Variants in GPRC5B observed in about 807,000 individuals in gnomAD.
GPRC5B encodes G protein-coupled receptor class C group 5 member B.
In GPRC5B, 16 loss-of-function variants were observed where a neutral mutation model predicts 30.1. The observed-to-expected ratio is 0.53, with a 90% CI of 0.36 to 0.81. The LOEUF (loss-of-function observed/expected upper bound fraction) is 0.81, where lower values mean the gene tolerates loss of function less well. Ranked by LOEUF, GPRC5B falls within the 30% of genes least tolerant of loss-of-function variation. The pLI is 0.01. For synonymous variants in GPRC5B, 241 were observed against 239.5 expected (o/e 1.01, Z -0.06); for missense variants, 428 against 544.7 (o/e 0.79, Z 2.13).
At chr16:19,867,623 G>T (rs2056677864) in intron 2 of GPRC5B, among the ~76,000 whole-genome samples, 1 of 152,188 alleles carries the variant, frequency 6.6e-6, no homozygotes, top group South Asian at 2.1e-4. Context: ...ATCTGACAAA[G>T]CCATAGAACA....
chr16:19,884,211 A>C (rs1288910260), intron 1 of GPRC5B, among the ~76,000 whole-genome samples: 2 of 133,018 alleles, frequency 1.5e-5, no homozygotes, highest in South Asian at 2.7e-4. Context: ...AGTAATGCGC[A>C]CTCAAGCCGG....
In GPRC5B at chr16:19,872,286, C is replaced by T. The variant is rs754939873; in HGVS notation, c.560G>A (p.Arg187His). 36 of 1,613,828 alleles carry T rather than the reference C, an allele frequency of 2.2e-5. No individual in the cohort carries two copies. Among genetic ancestry groups the T allele is most frequent in the Admixed American group, 3.3e-5 (2 of 59,996 alleles). ...GTAGGCGCAGGCTGGCCTTGTGTCA[C>T]GCAGCACGGTGAGCACCAGCCACTC... is the stretch of plus-strand genomic sequence containing the variant. ...AVEWLVLTVLRDTRPACAYEP... is the reference protein window; with the variant it reads ...AVEWLVLTVLHDTRPACAYEP... The change falls in exon 2 of 4, where the codon CGT becomes CAT. Residue 187 changes from arginine (R) to histidine (H), a missense_variant. Coordinates refer to ENST00000300571, the MANE Select transcript of GPRC5B (RefSeq NM_016235.3). The surrounding 1 kb of genome is among the most constrained non-coding windows in gnomAD (Gnocchi z 5.0).
In GPRC5B at chr16:19,858,143, G is replaced by C. The variant is rs1198163950; in HGVS notation, c.*2357C>G. On this transcript the variant is annotated 3_prime_UTR_variant, in exon 4 of 4. Transcript: ENST00000300571. Reference sequence around the variant, plus strand: ...CCACGGGGGGCAGCTGGCTGCTACAGTCTCTTGGCAAAGATGTCTCTTGAT... The same window carrying C: ...CCACGGGGGGCAGCTGGCTGCTACACTCTCTTGGCAAAGATGTCTCTTGAT... 4.8e-6 allele frequency: 1 copy of C among 207,552 alleles called. No individual in the cohort carries two copies. Among genetic ancestry groups the C allele is most frequent in the Non-Finnish European group, 9.5e-6 (1 of 104,972 alleles). The allele number at this position is 207,552 out of a possible 1,614,324, so 12.9% of individuals were successfully genotyped here.
chr16:19,880,319 C>G (rs1321742688), intron 1 of GPRC5B, among the ~76,000 whole-genome samples: 1 of 150,044 alleles, frequency 6.7e-6, no homozygotes, highest in African/African-American at 2.4e-5. Flanking sequence ...CGCTGGTTTC[C>G]AAGCTCATGC....
chr16:19,872,579 C>T lies in GPRC5B; in HGVS notation c.267G>A (p.Lys89=), dbSNP rs1336844229. Residue 89 remains lysine, a synonymous_variant, in exon 2 of 4, where the codon AAG becomes AAA. Transcript: ENST00000300571. This position sits in a 1 kb window ranked among gnomAD's most constrained non-coding sequence, Gnocchi z 5.0. ...VRLPFIKEKE[K]KSPVGLHFLF... The stretch of plus-strand genomic sequence containing the variant: ...GAAAGTGGAGGCCCACAGGGCTCTT[C>T]TTCTCCTTCTCCTTGATGAAGGGCA... 1.2e-6 allele frequency: 2 copies of T among 1,614,008 alleles called. No individual in the cohort carries two copies. Among genetic ancestry groups the T allele is most frequent in the Non-Finnish European group, 1.7e-6 (2 of 1,179,974 alleles).
chr16:19,869,186 A>ATG (rs2056691760), intron 2 of GPRC5B, among the ~76,000 whole-genome samples: 1 of 151,844 alleles, frequency 6.6e-6, no homozygotes, highest in Admixed American at 6.6e-5. Context: ...AAAATTAGCC[A>ATG]GGCGTGATGG....
intron 1 of GPRC5B, among the ~76,000 whole-genome samples, chr16:19,878,362 G>A (rs1309561847): frequency 6.6e-6 from 1 of 151,854 alleles, no homozygotes; most frequent in Non-Finnish European, 1.5e-5. Flanking sequence ...CTAGAGTGCA[G>A]TGGCATGATC....
At chr16:19,880,025 T>C (rs1217863778) in intron 1 of GPRC5B, among the ~76,000 whole-genome samples, 1 of 151,546 alleles carries the variant, frequency 6.6e-6, no homozygotes, top group East Asian at 2.0e-4. Flanking sequence ...TCCTAGCTAC[T>C]CAGGAGGCTA....
In GPRC5B at chr16:19,857,312, CT is replaced by C; in HGVS notation, c.*3187del. The C allele has an allele frequency of 2.7e-6, 1 of 370,988 alleles. No homozygotes were observed. 23.0% of individuals were successfully genotyped at this position (370,988 alleles called of 1,614,324 possible). A position where few individuals can be genotyped will look rare whatever the true frequency, so the allele number is the denominator to read the frequency against. ...ACACGTCTTAAGTAAATAGTAAAGC[CT>C]TTATTTTTGTGTTAAGAACAGCATT... On this transcript the variant is annotated 3_prime_UTR_variant, in exon 4 of 4. Coordinates refer to ENST00000300571, the MANE Select transcript of GPRC5B (RefSeq NM_016235.3).
Position 19,884,845 on chromosome 16 carries a change from C to T in GPRC5B, c.-120G>A. 1.0e-6 allele frequency: 1 copy of T among 983,218 alleles called. No individual in the cohort carries two copies. Among genetic ancestry groups the T allele is most frequent in the Non-Finnish European group, 1.2e-6 (1 of 829,272 alleles). 60.9% of individuals were successfully genotyped at this position (983,218 alleles called of 1,614,324 possible). A position where few individuals can be genotyped will look rare whatever the true frequency, so the allele number is the denominator to read the frequency against. On this transcript the variant is annotated 5_prime_UTR_variant, in exon 1 of 4. Coordinates refer to ENST00000300571, the MANE Select transcript of GPRC5B (RefSeq NM_016235.3). ...CCCGCCTGCGGGTCCAGCTTCACTG[C>T]AGCGCCTGCCAGAGTCGCTGCCGCG...
Position 19,856,847 on chromosome 16 carries a change from A to C in GPRC5B, c.*3653T>G. On this transcript the variant is annotated 3_prime_UTR_variant, in exon 4 of 4. Coordinates refer to ENST00000300571, the MANE Select transcript of GPRC5B (RefSeq NM_016235.3). ...CAGCTGCTGTTAAAATGTACAATGA[A>C]CTCTAGTCCCAAGGAATACAGAAGT... 6.3e-6 allele frequency: 2 copies of C among 318,350 alleles called. No individual in the cohort carries two copies. Among genetic ancestry groups the C allele is most frequent in the Non-Finnish European group, 1.2e-5 (2 of 173,484 alleles). 19.7% of individuals were successfully genotyped at this position (318,350 alleles called of 1,614,324 possible).
At chr16:19,866,138 A>T (rs2141140842) in intron 2 of GPRC5B, among the ~76,000 whole-genome samples, 1 of 152,078 alleles carries the variant, frequency 6.6e-6, no homozygotes, top group African/African-American at 2.4e-5. Flanking sequence ...CATATTGGCC[A>T]GGCTGGTCTC....
intron 1 of GPRC5B, among the ~76,000 whole-genome samples, chr16:19,879,479 G>A (rs1228253384): frequency 6.6e-6 from 1 of 151,906 alleles, no homozygotes; most frequent in African/African-American, 2.4e-5. Flanking sequence ...TCTGCAGAGG[G>A]GCCAGAAGCA....
chr16:19,870,227 T>C (rs1278412719), intron 2 of GPRC5B, among the ~76,000 whole-genome samples: 2 of 152,216 alleles, frequency 1.3e-5, no homozygotes, highest in Admixed American at 6.5e-5. Flanking sequence ...TTGCCCGTGG[T>C]AGTAACTAGC....
At chr16:19,878,452 C>T (rs1286025477) in intron 1 of GPRC5B, among the ~76,000 whole-genome samples, 1 of 151,852 alleles carries the variant, frequency 6.6e-6, no homozygotes, top group African/African-American at 2.4e-5. Flanking sequence ...ATCACAGGCA[C>T]CTGGCTAATT....
At chr16:19,879,859 C>T (rs554745061) in intron 1 of GPRC5B, among the ~76,000 whole-genome samples, 28 of 152,238 alleles carry the variant, frequency 1.8e-4, no homozygotes, top group African/African-American at 6.5e-4. Context: ...AAAGGCCAAG[C>T]GCCGTAGCTC....
intron 3 of GPRC5B, among the ~76,000 whole-genome samples, chr16:19,861,507 C>T (rs541901802): frequency 2.0e-5 from 3 of 152,192 alleles, no homozygotes; most frequent in South Asian, 2.1e-4. Context: ...CTGCTAGGGG[C>T]GCTCCATCAT....
chr16:19,865,014 C>T (rs2056655707), intron 2 of GPRC5B, among the ~76,000 whole-genome samples: 1 of 150,344 alleles, frequency 6.7e-6, no homozygotes, highest in Non-Finnish European at 1.5e-5. Flanking sequence ...AAGTCACTCT[C>T]TCACCTCAGC....
chr16:19,871,605 A>G (rs2056719958), intron 2 of GPRC5B, among the ~76,000 whole-genome samples: 1 of 152,206 alleles, frequency 6.6e-6, no homozygotes, highest in Admixed American at 6.5e-5. Flanking sequence ...CTGGGTGACA[A>G]GAGCGAAAAT....
Sources: allele counts gnomAD v4.1 joint callset (sites outside exome capture counted in the v4.1 genomes callset), GRCh38; gene constraint gnomAD v4.1.1; non-coding constraint Gnocchi (gnomAD v3.1); transcripts MANE v1.5; gene names NCBI Gene and HGNC (gene_info 2026-07-23, HGNC 2026-07-21).